RORB: variants seen among roughly 807,000 people sequenced by gnomAD.
RORB encodes RAR related orphan receptor B.
RORB carries 6 observed loss-of-function variants against 59.1 expected under a neutral mutation model. That is an observed-to-expected ratio of 0.10 (90% CI 0.06 to 0.20). The LOEUF (loss-of-function observed/expected upper bound fraction) is 0.20. RORB is among the 10% of genes least tolerant of loss of function. RORB has a pLI of 1.00. For missense variants in RORB, 320 were observed against 560.5 expected (o/e 0.57, Z 4.33); for synonymous variants, 215 against 204.5 (o/e 1.05, Z -0.44).
intron 1 of RORB, among the ~76,000 whole-genome samples, chr9:74,625,116 G>A (rs1317575907): frequency 1.3e-5 from 2 of 152,146 alleles, no homozygotes; most frequent in Non-Finnish European, 2.9e-5. Context: ...GAGAATTCCT[G>A]GTGACTCTTT....
chr9:74,601,610 G>A (rs1008794040), intron 1 of RORB, among the ~76,000 whole-genome samples: 4 of 152,054 alleles, frequency 2.6e-5, no homozygotes, highest in East Asian at 1.9e-4. Context: ...AATTCTCTAC[G>A]ATTTCTCACT....
At chr9:74,591,292 T>C (rs538633397) in intron 1 of RORB, among the ~76,000 whole-genome samples, 137 of 152,342 alleles carry the variant, frequency 9.0e-4, no homozygotes, top group Middle Eastern at 3.4e-3. Context: ...CAATCTAGAA[T>C]TGGGACCATG....
intron 1 of RORB, among the ~76,000 whole-genome samples, chr9:74,509,457 G>A (rs1825906556): frequency 6.6e-6 from 1 of 151,918 alleles, no homozygotes; most frequent in Admixed American, 6.6e-5. Flanking sequence ...CTTTAAGGCA[G>A]CAATTTTATC....
intron 7 of RORB, among the ~76,000 whole-genome samples, chr9:74,666,858 A>G (rs1006565600): frequency 2.6e-5 from 4 of 152,238 alleles, no homozygotes; most frequent in African/African-American, 9.6e-5. Flanking sequence ...TGGTAGGAAG[A>G]ACATTAGCAA....
chr9:74,580,475 G>A (rs1308922280), intron 1 of RORB, among the ~76,000 whole-genome samples: 5 of 152,112 alleles, frequency 3.3e-5, no homozygotes, highest in African/African-American at 4.8e-5. Context: ...CTAGCAAACC[G>A]TGTAAGACCA....
At chr9:74,565,970 T>C (rs1179430069) in intron 1 of RORB, among the ~76,000 whole-genome samples, 2 of 152,306 alleles carry the variant, frequency 1.3e-5, no homozygotes, top group East Asian at 3.9e-4. Flanking sequence ...CCTCATTCAA[T>C]GGGTTGTGTA....
At chr9:74,581,877 G>T (rs1471002245) in intron 1 of RORB, among the ~76,000 whole-genome samples, 2 of 152,096 alleles carry the variant, frequency 1.3e-5, no homozygotes, top group African/African-American at 4.8e-5. Flanking sequence ...AAACTCAAAG[G>T]TGCCTGCTAT....
At chr9:74,641,796 AC>A (rs1374599049) in intron 3 of RORB, among the ~76,000 whole-genome samples, 1 of 151,738 alleles carries the variant, frequency 6.6e-6, no homozygotes, top group African/African-American at 2.4e-5. Flanking sequence ...AGTCCTAGCT[AC>A]TCAGGAGGCC....
chr9:74,565,486 T>G (rs1200255183), intron 1 of RORB, among the ~76,000 whole-genome samples: 1 of 152,192 alleles, frequency 6.6e-6, no homozygotes, highest in East Asian at 1.9e-4. Flanking sequence ...CTGGCAAATA[T>G]CAGCATCAAA....
rs112162727 is a variant in RORB at position 74,508,156 on chromosome 9, T to C, written c.7+10173T>C. 3.8e-3 allele frequency among the ~76,000 whole-genome samples: 578 copies of C among 152,086 alleles called. 6 individuals carry two copies. The highest frequency in any genetic ancestry group is 0.013 in the African/African-American group (546 of 41,552). On this transcript the variant is annotated intron_variant, in intron 1 of 9. Coordinates refer to ENST00000376896, the MANE Select transcript of RORB (RefSeq NM_006914.4). Reference sequence around the variant, plus strand: ...CACTTTTATCCTTGCATATATACTTTCATTCTTGTGATTTCAAAAAAAGTT... The same window carrying C: ...CACTTTTATCCTTGCATATATACTTCCATTCTTGTGATTTCAAAAAAAGTT...
chr9:74,673,909 G>A (rs1345002276), intron 9 of RORB, among the ~76,000 whole-genome samples: 1 of 152,112 alleles, frequency 6.6e-6, no homozygotes, highest in Non-Finnish European at 1.5e-5. Context: ...TTAATAAGAT[G>A]TTATCTGAAC....
chr9:74,579,524 A>G (rs1563942950), intron 1 of RORB, among the ~76,000 whole-genome samples: 1 of 152,144 alleles, frequency 6.6e-6, no homozygotes, highest in African/African-American at 2.4e-5. Context: ...AAAAGCTACA[A>G]TGTTGCAATA....
intron 4 of RORB, among the ~76,000 whole-genome samples, chr9:74,646,433 C>CA (rs1225418441): frequency 6.6e-6 from 1 of 151,964 alleles, no homozygotes; most frequent in African/African-American, 2.4e-5. Context: ...AATACTCTCC[C>CA]AAAAAAACAA....
intron 9 of RORB, among the ~76,000 whole-genome samples, chr9:74,673,697 C>G (rs1301475076): frequency 6.6e-6 from 1 of 152,170 alleles, no homozygotes; most frequent in African/African-American, 2.4e-5. Flanking sequence ...AGATTAACTT[C>G]CCTTTCTCCA....
intron 1 of RORB, among the ~76,000 whole-genome samples, chr9:74,518,080 G>A (rs1377532898): frequency 6.6e-6 from 1 of 151,908 alleles, no homozygotes; most frequent in African/African-American, 2.4e-5. Context: ...ACAGACCTAT[G>A]GCTACAAGAT....
chr9:74,663,224 C>T (rs1191699564), intron 6 of RORB, among the ~76,000 whole-genome samples: 1 of 151,848 alleles, frequency 6.6e-6, no homozygotes, highest in Non-Finnish European at 1.5e-5. Flanking sequence ...AAAATAAGAA[C>T]CATGATGGTG....
intron 8 of RORB, among the ~76,000 whole-genome samples, chr9:74,668,899 G>A (rs747341685): frequency 3.6e-4 from 55 of 152,138 alleles, no homozygotes; most frequent in Admixed American, 6.5e-4. Flanking sequence ...GGACAGCAGA[G>A]GGGAAAATGA....
chr9:74,606,452 C>T lies in RORB; in HGVS notation c.8-23830C>T, dbSNP rs373669542. Among the ~76,000 whole-genome samples, 942 of 152,230 alleles carry T rather than the reference C, an allele frequency of 6.2e-3. 14 individuals carry two copies. Among genetic ancestry groups the T allele is most frequent in the African/African-American group, 0.022 (904 of 41,528 alleles). On this transcript the variant is annotated intron_variant, in intron 1 of 9. Transcript: ENST00000376896. ...TTCTCATTCTGTTCAGTAAAATATTCATGATTTTGGTTGGCTGTAAGATGT... is the reference window on the plus strand; with the variant it reads ...TTCTCATTCTGTTCAGTAAAATATTTATGATTTTGGTTGGCTGTAAGATGT...
At chr9:74,633,815 A>G (rs56744128) in intron 2 of RORB, among the ~76,000 whole-genome samples, 36,279 of 152,068 alleles carry the variant, frequency 0.24, 4,362 homozygotes, top group South Asian at 0.31. Context: ...GGCTAAGTAG[A>G]GACCATTCAT....
Sources: allele counts gnomAD v4.1 joint callset (sites outside exome capture counted in the v4.1 genomes callset), GRCh38; gene constraint gnomAD v4.1.1; transcripts MANE v1.5; gene names NCBI Gene and HGNC (gene_info 2026-07-23, HGNC 2026-07-21).